KIF21A: variants seen among roughly 807,000 people sequenced by gnomAD.
KIF21A encodes kinesin-like protein KIF21A.
A neutral mutation model predicts 202.9 loss-of-function variants in KIF21A; 114 were observed. The ratio of observed to expected loss-of-function variants is 0.56; its 90% confidence interval spans 0.48 to 0.66. KIF21A has a LOEUF of 0.66. Ranked by LOEUF, KIF21A falls within the 30% of genes least tolerant of loss-of-function variation. The pLI, the probability that KIF21A is intolerant of heterozygous loss-of-function variation, is 0.00. For missense variants in KIF21A, 1,677 were observed against 1,994.9 expected (o/e 0.84, Z 3.04); for synonymous variants, 667 against 670.8 (o/e 0.99, Z 0.09).
chr12:39,404,954 T>C (rs115493299), intron 1 of KIF21A, among the ~76,000 whole-genome samples: 2 of 151,606 alleles, frequency 1.3e-5, no homozygotes, highest in Admixed American at 6.5e-5. Flanking sequence ...ATTCTGTCTA[T>C]GGAAAGTAAA....
chr12:39,301,423 T>A (rs1942950039), intron 37 of KIF21A, 57 bp downstream of exon 37: 2 of 1,266,858 alleles, frequency 1.6e-6, no homozygotes, highest in Non-Finnish European at 2.3e-6. Flanking sequence ...TACAACATAT[T>A]TATTAAATCT....
At chr12:39,361,697 A>G (rs796997157) in intron 7 of KIF21A, among the ~76,000 whole-genome samples, 184 of 151,830 alleles carry the variant, frequency 1.2e-3, no homozygotes, top group African/African-American at 3.9e-3. Flanking sequence ...TAGTGGAGAC[A>G]GGGTTTCACC....
At chr12:39,412,977 A>ATTG in intron 1 of KIF21A, among the ~76,000 whole-genome samples, 1 of 152,244 alleles carries the variant, frequency 6.6e-6, no homozygotes, top group Non-Finnish European at 1.5e-5. Context: ...TAAAACAAAC[A>ATTG]AATATGAATT....
intron 1 of KIF21A, among the ~76,000 whole-genome samples, chr12:39,392,449 A>G (rs1421952312): frequency 2.0e-5 from 3 of 152,036 alleles, no homozygotes; most frequent in Admixed American, 6.6e-5. Context: ...AAGGGAGATT[A>G]CTCTGTTTGC....
Position 39,342,144 on chromosome 12 carries a change from G to C in KIF21A, c.1713-20C>G, listed in dbSNP as rs1468592198. On this transcript the variant is annotated intron_variant, in intron 12 of 37. Transcript: ENST00000361418. The stretch of plus-strand genomic sequence containing the variant: ...GCCACACTAAAAAAAGGAACATAAG[G>C]GTATGGTGTTAAAATAGAAAGGAAA... 1 of 1,499,894 alleles carries C rather than the reference G, an allele frequency of 6.7e-7. No individual in the cohort carries two copies. The highest frequency in any genetic ancestry group is 1.4e-5 in the African/African-American group (1 of 72,620). The allele number at this position is 1,499,894 out of a possible 1,614,324, so 92.9% of individuals were successfully genotyped here.
Position 39,333,290 on chromosome 12 carries a change from A to G in KIF21A, c.2419-10T>C, listed in dbSNP as rs774078010. The G allele has an allele frequency of 1.9e-6, 3 of 1,539,010 alleles. No individual in the cohort carries two copies. In the African/African-American group the frequency reaches 4.1e-5, roughly 21 times the overall value. On this transcript the variant is annotated splice_polypyrimidine_tract_variant and intron_variant, in intron 17 of 37. Coordinates refer to ENST00000361418, the MANE Select transcript of KIF21A (RefSeq NM_001173464.2). Reference sequence around the variant, plus strand: ...GAAGTCTAAGTTGATGCTATAAAATAATATTAAATAAGTGGAAATAGTAAA... The same window carrying G: ...GAAGTCTAAGTTGATGCTATAAAATGATATTAAATAAGTGGAAATAGTAAA...
At chr12:39,355,417 C>T (rs1315973431) in intron 10 of KIF21A, among the ~76,000 whole-genome samples, 3 of 151,758 alleles carry the variant, frequency 2.0e-5, no homozygotes, top group African/African-American at 7.3e-5. Flanking sequence ...AGGCAATTGG[C>T]CTTAACAATT....
chr12:39,377,749 G>A (rs1484480193), intron 1 of KIF21A, among the ~76,000 whole-genome samples: 3 of 152,168 alleles, frequency 2.0e-5, no homozygotes, highest in South Asian at 4.1e-4. Context: ...TTAATTGAGT[G>A]AAAAGCCTAA....
intron 1 of KIF21A, among the ~76,000 whole-genome samples, chr12:39,439,961 AATTAT>A (rs200482833): frequency 0.05 from 7,348 of 148,254 alleles, 601 homozygotes; most frequent in African/African-American, 0.18. Context: ...GCATTTCCAC[AATTAT>A]ATTATTCATT....
intron 1 of KIF21A, among the ~76,000 whole-genome samples, chr12:39,420,814 T>C (rs1338299319): frequency 6.6e-6 from 1 of 152,004 alleles, no homozygotes; most frequent in Non-Finnish European, 1.5e-5. Context: ...AAATCCTGAA[T>C]GAAGCATAAA....
At chr12:39,323,224 T>C (rs1945480281) in intron 26 of KIF21A, among the ~76,000 whole-genome samples, 1 of 152,080 alleles carries the variant, frequency 6.6e-6, no homozygotes, top group South Asian at 2.1e-4. Context: ...GTCATATACC[T>C]AGTAAGTGGC....
chr12:39,391,518 G>A (rs571027889), intron 1 of KIF21A, among the ~76,000 whole-genome samples: 2 of 151,952 alleles, frequency 1.3e-5, no homozygotes, highest in Non-Finnish European at 2.9e-5. Context: ...TGGAAGAATC[G>A]CCTCAGCCCA....
chr12:39,376,396 ATAT>A (rs1950273304), intron 1 of KIF21A, among the ~76,000 whole-genome samples: 2 of 152,216 alleles, frequency 1.3e-5, no homozygotes, highest in South Asian at 4.1e-4. Flanking sequence ...TTATAATTTA[ATAT>A]TATTATCATT....
At chr12:39,399,673 C>A (rs926892552) in intron 1 of KIF21A, among the ~76,000 whole-genome samples, 4 of 152,184 alleles carry the variant, frequency 2.6e-5, no homozygotes, top group African/African-American at 9.7e-5. Context: ...CAAAGCTGCT[C>A]AGCAGGCTAA....
chr12:39,400,355 G>C (rs895316267), intron 1 of KIF21A, among the ~76,000 whole-genome samples: 5 of 152,054 alleles, frequency 3.3e-5, no homozygotes, highest in African/African-American at 1.2e-4. Flanking sequence ...CATGTGCCAT[G>C]GTGGTTTGCT....
chr12:39,415,553 G>A (rs540474259), intron 1 of KIF21A, among the ~76,000 whole-genome samples: 4 of 152,198 alleles, frequency 2.6e-5, no homozygotes, highest in South Asian at 2.1e-4. Flanking sequence ...CGCCGCGCCC[G>A]GCCGAGAATG....
chr12:39,370,026 A>T lies in KIF21A; in HGVS notation c.267+13T>A. 3 of 1,606,596 alleles carry T rather than the reference A, an allele frequency of 1.9e-6. No homozygotes were observed. The highest frequency in any genetic ancestry group is 2.6e-6 in the Non-Finnish European group (3 of 1,173,322). On this transcript the variant is annotated intron_variant, in intron 2 of 37. Transcript: ENST00000361418. Reference sequence around the variant, plus strand: ...AAAAGTTTCAACTCCTATGAAAATAATATGGCACTTACTTGTCCATAAGCA... The same window carrying T: ...AAAAGTTTCAACTCCTATGAAAATATTATGGCACTTACTTGTCCATAAGCA...
At chr12:39,362,385 T>C (rs1376995184) in intron 7 of KIF21A, among the ~76,000 whole-genome samples, 6 of 152,180 alleles carry the variant, frequency 3.9e-5, no homozygotes, top group African/African-American at 1.4e-4. Context: ...CACTGTAAAA[T>C]AGATTCACTG....
At chr12:39,357,532 C>A (rs1948868646) in intron 8 of KIF21A, 95 bp from the exon 9 acceptor site, 1 of 1,097,508 alleles carries the variant, frequency 9.1e-7, no homozygotes. Context: ...ATTCTCTAAC[C>A]AAGAGCGTTT....
Sources: gnomAD v4.1 joint callset for allele counts (sites outside exome capture counted in the v4.1 genomes callset) on GRCh38, gnomAD v4.1.1 for gene constraint, MANE v1.5 for transcripts, NCBI Gene and HGNC (gene_info 2026-07-23, HGNC 2026-07-21) for gene names.